The following SHISA6 variants were observed in gnomAD, a reference collection of about 807,000 sequenced individuals.
The protein encoded by SHISA6 is protein shisa-6.
Under a neutral mutation model 47.9 loss-of-function variants are expected in SHISA6, and 22 were observed. The observed-to-expected ratio is 0.46, with a 90% CI of 0.33 to 0.66. The LOEUF (loss-of-function observed/expected upper bound fraction) is 0.66. Ranked by LOEUF, SHISA6 falls within the 30% of genes least tolerant of loss-of-function variation. The pLI is 0.02. For missense variants in SHISA6, 680 were observed against 764.6 expected, an observed-to-expected ratio of 0.89 and a Z score of 1.30; for synonymous variants, 388 against 337.8, an observed-to-expected ratio of 1.15 and a Z score of -1.63.
At chr17:11,414,307 A>C (rs2142275667) in intron 3 of SHISA6, among the ~76,000 whole-genome samples, 1 of 152,290 alleles carries the variant, frequency 6.6e-6, no homozygotes, top group South Asian at 2.1e-4. Context: ...TTGCTAAGAA[A>C]GTTATTGGAT....
intron 2 of SHISA6, among the ~76,000 whole-genome samples, chr17:11,316,482 G>A (rs892882004): frequency 3.5e-5 from 5 of 144,374 alleles, no homozygotes; most frequent in Admixed American, 1.4e-4. Context: ...ATGCAGTGGC[G>A]TGATCTTGGC....
At chr17:11,256,270 T>G (rs1908004116) in intron 1 of SHISA6, among the ~76,000 whole-genome samples, 1 of 152,260 alleles carries the variant, frequency 6.6e-6, no homozygotes, top group Admixed American at 6.5e-5. Flanking sequence ...CAAGGTTGGG[T>G]GGATCACCTG....
At chr17:11,396,550 TGAG>T (rs1913577485) in intron 3 of SHISA6, among the ~76,000 whole-genome samples, 1 of 152,342 alleles carries the variant, frequency 6.6e-6, no homozygotes, top group South Asian at 2.1e-4. Context: ...TCTAGATCCT[TGAG>T]GAATCGCCAC....
chr17:11,443,696 A>T (rs1169066726), intron 3 of SHISA6, among the ~76,000 whole-genome samples: 2 of 152,200 alleles, frequency 1.3e-5, no homozygotes, highest in Admixed American at 1.3e-4. Context: ...GTAACCACCC[A>T]ATGAATATTT....
intron 3 of SHISA6, among the ~76,000 whole-genome samples, chr17:11,512,681 T>C (rs572625584): frequency 3.7e-4 from 56 of 152,250 alleles, no homozygotes; most frequent in Admixed American, 3.3e-3. Flanking sequence ...AATAATCCTA[T>C]CACTCAAAAA....
chr17:11,421,829 T>C (rs1052227792), intron 3 of SHISA6, among the ~76,000 whole-genome samples: 2 of 151,814 alleles, frequency 1.3e-5, no homozygotes, highest in Non-Finnish European at 2.9e-5. Context: ...AAAGCCAGAG[T>C]GTAGAAAAAA....
chr17:11,249,031 G>A (rs1229019237), intron 1 of SHISA6, among the ~76,000 whole-genome samples: 2 of 151,942 alleles, frequency 1.3e-5, no homozygotes, highest in Non-Finnish European at 2.9e-5. Context: ...CCAGCTACTT[G>A]GGAGACTGAG....
chr17:11,338,724 A>T (rs1295160851), intron 2 of SHISA6, among the ~76,000 whole-genome samples: 3 of 151,964 alleles, frequency 2.0e-5, no homozygotes, highest in African/African-American at 7.3e-5. Context: ...CCACCAGAAG[A>T]CTTTTAACAA....
intron 2 of SHISA6, among the ~76,000 whole-genome samples, chr17:11,275,265 C>T (rs1206070719): frequency 1.3e-5 from 2 of 151,058 alleles, no homozygotes; most frequent in South Asian, 2.1e-4. Flanking sequence ...GTTCTAATGG[C>T]GTGGGAATGG....
chr17:11,320,646 G>A lies in SHISA6; in HGVS notation c.799+57120G>A, dbSNP rs534834770. On this transcript the variant is annotated intron_variant, in intron 2 of 5. Coordinates refer to ENST00000441885, the MANE Select transcript of SHISA6 (RefSeq NM_207386.4). Reference sequence around the variant, plus strand: ...GCACTCCAGCCTGGGCAACAAGAGCGAAACTCCATCACCAAAAAAAAAAAG... The same window carrying A: ...GCACTCCAGCCTGGGCAACAAGAGCAAAACTCCATCACCAAAAAAAAAAAG... Among the ~76,000 whole-genome samples, 41 of 111,226 alleles carry A rather than the reference G, an allele frequency of 3.7e-4. 1 individual carries two copies. In the East Asian group the frequency reaches 8.5e-3, roughly 23 times the overall value. The allele number at this position is 111,226 out of a possible 152,430, so 73.0% of individuals were successfully genotyped here.
Position 11,391,014 on chromosome 17 carries a change from T to C in SHISA6, c.895+11505T>C, listed in dbSNP as rs1048478483. Among the ~76,000 whole-genome samples the C allele has an allele frequency of 3.9e-5, 6 of 152,158 alleles. No homozygotes were observed. The South Asian group carries it at 1.2e-3, about 32-fold the overall frequency. On this transcript the variant is annotated intron_variant, in intron 3 of 5. Transcript: ENST00000441885. ...TGCCTCTGAATGGACGGGTCCTAAA[T>C]GGCCTCCTATGGGAGACGGGGTTGA...
chr17:11,451,643 T>TG (rs1915405389), intron 3 of SHISA6, among the ~76,000 whole-genome samples: 1 of 152,178 alleles, frequency 6.6e-6, no homozygotes, highest in Admixed American at 6.5e-5. Flanking sequence ...AGTTGCCACA[T>TG]GAACACGAAT....
intron 2 of SHISA6, among the ~76,000 whole-genome samples, chr17:11,358,680 T>TTTTTTTTTTTA: frequency 6.6e-6 from 1 of 150,740 alleles, no homozygotes; most frequent in African/African-American, 2.4e-5. Context: ...TTTTTTTTTT[T>TTTTTTTTTTTA]AAAGAATACG....
intron 3 of SHISA6, among the ~76,000 whole-genome samples, chr17:11,423,650 G>C (rs908551996): frequency 6.6e-6 from 1 of 151,920 alleles, no homozygotes; most frequent in Admixed American, 6.6e-5. Flanking sequence ...ATCTCTGAAA[G>C]AAAAAAGAAC....
intron 3 of SHISA6, among the ~76,000 whole-genome samples, chr17:11,475,117 CA>C (rs1346203105): frequency 9.2e-5 from 14 of 152,030 alleles, no homozygotes; most frequent in Admixed American, 9.2e-4. Context: ...TGTTCATTGA[CA>C]TTTGTATATT....
chr17:11,312,688 A>G (rs9913953), intron 2 of SHISA6, among the ~76,000 whole-genome samples: 57,768 of 151,952 alleles, frequency 0.38, 11,403 homozygotes, highest in Middle Eastern at 0.51. Flanking sequence ...TGTCCTCCCA[A>G]TTTCTTTATT....
At chr17:11,376,926 C>T (rs562899236) in intron 2 of SHISA6, among the ~76,000 whole-genome samples, 4 of 152,286 alleles carry the variant, frequency 2.6e-5, no homozygotes, top group Non-Finnish European at 4.4e-5. Context: ...GTGTGGTGCA[C>T]GCTCAACTTT....
Position 11,560,401 on chromosome 17 carries a change from G to A in SHISA6, c.*2097G>A, listed in dbSNP as rs1382074196. 1 of 152,350 alleles carries A rather than the reference G, an allele frequency of 6.6e-6. No homozygotes were observed. The highest frequency in any genetic ancestry group is 1.5e-5 in the Non-Finnish European group (1 of 68,166). The allele number at this position is 152,350 out of a possible 1,614,324, so 9.4% of individuals were successfully genotyped here. A position where few individuals can be genotyped will look rare whatever the true frequency, so the allele number is the denominator to read the frequency against. ...CCTTCTTAAGGGCTGGTCCCCAGGG[G>A]TTTATAAGAGTTTGTTCCAGAAGGT... On this transcript the variant is annotated 3_prime_UTR_variant, in exon 6 of 6. Coordinates refer to ENST00000441885, the MANE Select transcript of SHISA6 (RefSeq NM_207386.4).
rs546432213 is a variant in SHISA6 at position 11,533,920 on chromosome 17, A to C, written c.896-17976A>C. Among the ~76,000 whole-genome samples, 6 of 151,928 alleles carry C rather than the reference A, an allele frequency of 3.9e-5. No individual in the cohort carries two copies. In the South Asian group the frequency reaches 1.3e-3, roughly 32 times the overall value. On this transcript the variant is annotated intron_variant, in intron 3 of 5. Transcript: ENST00000441885. ...TATTCTTACTCTATTAAAATCTTCA[A>C]AATATTTTATGTACTCTCTGCAATT...
Sources: allele counts gnomAD v4.1 joint callset (sites outside exome capture counted in the v4.1 genomes callset), GRCh38; gene constraint gnomAD v4.1.1; transcripts MANE v1.5; gene names NCBI Gene and HGNC (gene_info 2026-07-23, HGNC 2026-07-21).